CCSER1: variants seen among roughly 807,000 people sequenced by gnomAD.
CCSER1 encodes coiled-coil serine rich protein 1, also known as serine-rich coiled-coil domain-containing protein 1.
In CCSER1, 41 loss-of-function variants were observed where a neutral mutation model predicts 82.0. That is an observed-to-expected ratio of 0.50 (90% CI 0.39 to 0.65). CCSER1 has a LOEUF of 0.65. CCSER1 is among the 30% of genes least tolerant of loss of function. CCSER1 has a pLI of 0.00. For synonymous variants in CCSER1, 414 were observed against 383.9 expected, an observed-to-expected ratio of 1.08 and a Z score of -0.92; for missense variants, 1,119 against 1,064.2, an observed-to-expected ratio of 1.05 and a Z score of -0.72.
At position 90,461,318 on chromosome 4, in the gene CCSER1, C is replaced by T. The variant is rs1001212957; in HGVS notation, c.1604-6916C>T. On this transcript the variant is annotated intron_variant, in intron 4 of 10. Coordinates refer to ENST00000509176, the MANE Select transcript of CCSER1 (RefSeq NM_001145065.2). ...TCCTGACCTCGTGATCCGCCCGCCT[C>T]GGCCTCCCAAAGTGCTGGGATTACA... is the stretch of plus-strand genomic sequence containing the variant. 6.0e-5 allele frequency among the ~76,000 whole-genome samples: 7 copies of T among 117,038 alleles called. 1 individual carries two copies. Among genetic ancestry groups the T allele is most frequent in the African/African-American group, 1.4e-4 (3 of 21,386 alleles). 76.8% of individuals were successfully genotyped at this position (117,038 alleles called of 152,430 possible). A position where few individuals can be genotyped will look rare whatever the true frequency, so the allele number is the denominator to read the frequency against.
At chr4:91,214,077 T>A (rs1737047818) in intron 10 of CCSER1, among the ~76,000 whole-genome samples, 1 of 152,136 alleles carries the variant, frequency 6.6e-6, no homozygotes, top group Non-Finnish European at 1.5e-5. Flanking sequence ...TAAATTTCAC[T>A]CCTGTGCCTT....
chr4:91,161,884 G>A (rs1163344638), intron 10 of CCSER1, among the ~76,000 whole-genome samples: 6 of 152,066 alleles, frequency 3.9e-5, no homozygotes, highest in African/African-American at 1.2e-4. Flanking sequence ...TCTGCAAACA[G>A]TGACAATTTG....
chr4:90,425,794 C>A (rs1443494481), intron 4 of CCSER1, among the ~76,000 whole-genome samples: 1 of 152,114 alleles, frequency 6.6e-6, no homozygotes, highest in Non-Finnish European at 1.5e-5. Context: ...AGCTTCAACA[C>A]CACCACTTTT....
chr4:91,111,340 T>C (rs1240964072), intron 10 of CCSER1, among the ~76,000 whole-genome samples: 1 of 152,132 alleles, frequency 6.6e-6, no homozygotes, highest in Non-Finnish European at 1.5e-5. Flanking sequence ...TTGCCTGAAG[T>C]TATGTAATGC....
At chr4:90,289,183 C>T (rs1478492963) in intron 1 of CCSER1, among the ~76,000 whole-genome samples, 1 of 151,856 alleles carries the variant, frequency 6.6e-6, no homozygotes, top group Non-Finnish European at 1.5e-5. Flanking sequence ...TGCATTGTGA[C>T]ACACATTTGC....
rs1311215814 is a variant in CCSER1 at position 91,195,877 on chromosome 4, A to AATGG, written c.2217+109883_2217+109884insATGG. Among the ~76,000 whole-genome samples, 28 of 151,796 alleles carry AATGG rather than the reference A, an allele frequency of 1.8e-4. 1 individual carries two copies. Among genetic ancestry groups the AATGG allele is most frequent in the African/African-American group, 6.3e-4 (26 of 41,294 alleles). ...AGTGATTCACACCGTTCCCTTTCTT[A>AATGG]CAACTCTTCATGACTCCACCTTGCC... On this transcript the variant is annotated intron_variant, in intron 10 of 10. Transcript: ENST00000509176.
At chr4:90,618,196 G>A (rs953616328) in intron 5 of CCSER1, among the ~76,000 whole-genome samples, 7 of 151,950 alleles carry the variant, frequency 4.6e-5, no homozygotes, top group Non-Finnish European at 8.8e-5. Context: ...AAAGTCATAA[G>A]CACCAAGTCT....
chr4:91,246,826 A>T (rs1213121662), intron 10 of CCSER1, among the ~76,000 whole-genome samples: 1 of 120,352 alleles, frequency 8.3e-6, no homozygotes, highest in Admixed American at 8.2e-5. Flanking sequence ...ACATACACAC[A>T]TACACACACA....
At chr4:91,123,408 T>C (rs1232042066) in intron 10 of CCSER1, among the ~76,000 whole-genome samples, 8 of 151,688 alleles carry the variant, frequency 5.3e-5, no homozygotes, top group Non-Finnish European at 1.0e-4. Flanking sequence ...ATTAGTGTAG[T>C]AGTTTCTAAT....
At chr4:90,412,703 G>A (rs978669317) in intron 4 of CCSER1, among the ~76,000 whole-genome samples, 1 of 152,100 alleles carries the variant, frequency 6.6e-6, no homozygotes, top group Non-Finnish European at 1.5e-5. Context: ...ACAAAATCCA[G>A]CATTGCTTTA....
At chr4:91,115,784 T>C (rs1320655546) in intron 10 of CCSER1, among the ~76,000 whole-genome samples, 2 of 147,114 alleles carry the variant, frequency 1.4e-5, no homozygotes, top group Non-Finnish European at 3.0e-5. Context: ...CTCCTCTTGC[T>C]CCCTGCCTAT....
intron 10 of CCSER1, among the ~76,000 whole-genome samples, chr4:91,226,649 C>CGCTT (rs1738228961): frequency 6.6e-6 from 1 of 151,814 alleles, no homozygotes; most frequent in South Asian, 2.1e-4. Context: ...TGAAGTAAGA[C>CGCTT]GCTTAAATAT....
At chr4:91,216,345 A>T in intron 10 of CCSER1, among the ~76,000 whole-genome samples, 1 of 152,174 alleles carries the variant, frequency 6.6e-6, no homozygotes, top group East Asian at 1.9e-4. Context: ...TTTGAGACAG[A>T]GTCTCGCTCT....
intron 7 of CCSER1, among the ~76,000 whole-genome samples, chr4:90,737,527 G>A (rs1745860949): frequency 6.6e-6 from 1 of 152,174 alleles, no homozygotes; most frequent in Middle Eastern, 3.4e-3. Flanking sequence ...TCTTCTTGCT[G>A]CTTTTTAGGA....
At chr4:91,216,425 T>C (rs1737245056) in intron 10 of CCSER1, among the ~76,000 whole-genome samples, 1 of 152,126 alleles carries the variant, frequency 6.6e-6, no homozygotes, top group African/African-American at 2.4e-5. Context: ...GTTCACGCCA[T>C]TCTCCTGCCT....
At chr4:90,244,742 A>G (rs867652133) in intron 1 of CCSER1, among the ~76,000 whole-genome samples, 1 of 152,148 alleles carries the variant, frequency 6.6e-6, no homozygotes, top group Middle Eastern at 3.2e-3. Flanking sequence ...TAATCCAGTC[A>G]CTTCCTACCA....
chr4:90,901,739 C>G (rs1333111697), intron 8 of CCSER1, among the ~76,000 whole-genome samples: 2 of 151,812 alleles, frequency 1.3e-5, no homozygotes, highest in African/African-American at 4.8e-5. Context: ...TCATGTTGAC[C>G]TTGGATAATC....
intron 10 of CCSER1, among the ~76,000 whole-genome samples, chr4:91,325,862 A>G (rs1393464871): frequency 6.6e-6 from 1 of 152,238 alleles, no homozygotes; most frequent in Non-Finnish European, 1.5e-5. Flanking sequence ...TTTTCTCAGA[A>G]CAAAAGATTA....
chr4:90,879,715 A>G (rs1279441696), intron 8 of CCSER1, among the ~76,000 whole-genome samples: 1 of 152,112 alleles, frequency 6.6e-6, no homozygotes. Flanking sequence ...GAAAGAAGAA[A>G]GAAGAACTCT....
Sources: gnomAD v4.1 joint callset for allele counts (sites outside exome capture counted in the v4.1 genomes callset) on GRCh38, gnomAD v4.1.1 for gene constraint, MANE v1.5 for transcripts, NCBI Gene and HGNC (gene_info 2026-07-23, HGNC 2026-07-21) for gene names.